The following TMEM131 variants were observed in gnomAD, a reference collection of about 807,000 sequenced individuals.
TMEM131 encodes 2610524E03Rik.
TMEM131 carries 66 observed loss-of-function variants against 211.6 expected under a neutral mutation model. The observed-to-expected ratio is 0.31, with a 90% CI of 0.26 to 0.38. The LOEUF (loss-of-function observed/expected upper bound fraction) is 0.38, where lower values mean the gene tolerates loss of function less well. Among genes scored for constraint, TMEM131 ranks in the 10% least tolerant of loss-of-function variants. The probability of loss-of-function intolerance (pLI) is 1.00; values close to 1 mark genes in which losing one functional copy is unlikely to be tolerated. For synonymous variants in TMEM131, 844 were observed against 841.3 expected (o/e 1.00, Z -0.06); for missense variants, 2,036 against 2,299.3 (o/e 0.89, Z 2.34).
At chr2:97,760,490 A>G (rs930204448) in intron 38 of TMEM131, 103 bp downstream of exon 38, 12 of 1,102,408 alleles carry the variant, frequency 1.1e-5, no homozygotes, top group Non-Finnish European at 1.6e-5. Context: ...CCTCCTTGTA[A>G]ATTAGGGGAA....
intron 39 of TMEM131, 30 bp downstream of exon 39, chr2:97,759,622 T>C (rs1678711103): frequency 6.5e-7 from 1 of 1,541,472 alleles, no homozygotes; most frequent in African/African-American, 1.4e-5. Context: ...CACAGGCTTA[T>C]TAGTTACACA....
At chr2:97,818,481 G>GGAAAAAAACAAA in intron 12 of TMEM131, 132 bp downstream of exon 12, 1 of 292,100 alleles carries the variant, frequency 3.4e-6, no homozygotes, top group Non-Finnish European at 6.4e-6. Flanking sequence ...GGCGGGGGGG[G>GGAAAAAAACAAA]ATCAACCTAA....
chr2:97,762,501 G>T, intron 35 of TMEM131: 1 of 271,938 alleles, frequency 3.7e-6, no homozygotes, highest in South Asian at 4.0e-5. Context: ...CATCCTCCAG[G>T]GGTGGACAGC....
In TMEM131 at chr2:97,758,820, C is replaced by A. The variant is rs899302087; in HGVS notation, c.5367+73G>T. ...TTGTTTATAACTATGTCAGTGCCAT[C>A]CATGTCACAGCAATGGCAGATGGCG... On this transcript the variant is annotated intron_variant, in intron 40 of 40. Coordinates refer to ENST00000186436, the MANE Select transcript of TMEM131 (RefSeq NM_015348.2). The A allele has an allele frequency of 2.6e-6, 4 of 1,529,956 alleles. No homozygotes were observed. In the African/African-American group the frequency reaches 5.5e-5, roughly 21 times the overall value. The allele number at this position is 1,529,956 out of a possible 1,614,324, so 94.8% of individuals were successfully genotyped here.
intron 11 of TMEM131, among the ~76,000 whole-genome samples, chr2:97,830,540 T>G (rs1012519517): frequency 2.0e-5 from 3 of 152,210 alleles, no homozygotes; most frequent in African/African-American, 7.2e-5. Flanking sequence ...AAAAAGCACT[T>G]TCAGCATTTA....
chr2:97,862,039 A>G (rs772673134), intron 4 of TMEM131, among the ~76,000 whole-genome samples: 4 of 152,084 alleles, frequency 2.6e-5, no homozygotes, highest in Non-Finnish European at 4.4e-5. Context: ...AGAGAGAGAG[A>G]CTGTTTGTTT....
At chr2:97,914,820 C>CAG (rs1267105633) in intron 2 of TMEM131, among the ~76,000 whole-genome samples, 2 of 152,158 alleles carry the variant, frequency 1.3e-5, no homozygotes, top group Non-Finnish European at 2.9e-5. Flanking sequence ...CTATTATAAA[C>CAG]AGAGCTGCTA....
intron 33 of TMEM131, 78 bp from the exon 34 acceptor site, chr2:97,766,680 T>C: frequency 6.5e-7 from 1 of 1,541,664 alleles, no homozygotes; most frequent in African/African-American, 1.4e-5. Flanking sequence ...ATTGTAATTC[T>C]TCTACAATAC....
At chr2:97,767,819 T>C (rs975406798) in intron 33 of TMEM131, among the ~76,000 whole-genome samples, 1 of 152,204 alleles carries the variant, frequency 6.6e-6, no homozygotes, top group African/African-American at 2.4e-5. Context: ...ACGCACCATG[T>C]TGCCTTCTGT....
intron 1 of TMEM131, among the ~76,000 whole-genome samples, chr2:97,984,141 C>G (rs1169389197): frequency 6.6e-6 from 1 of 152,134 alleles, no homozygotes; most frequent in Non-Finnish European, 1.5e-5. Context: ...AATTTCTATT[C>G]TATTCCATTA....
intron 1 of TMEM131, among the ~76,000 whole-genome samples, chr2:97,965,125 A>G: frequency 6.6e-6 from 1 of 152,162 alleles, no homozygotes; most frequent in East Asian, 1.9e-4. Flanking sequence ...ATAATCAAAC[A>G]TCTTGGTTCC....
At chr2:97,869,131 T>TA (rs1318224044) in intron 4 of TMEM131, among the ~76,000 whole-genome samples, 1 of 152,236 alleles carries the variant, frequency 6.6e-6, no homozygotes, top group African/African-American at 2.4e-5. Flanking sequence ...ACAATTCAAA[T>TA]AGACTTCAGG....
chr2:97,758,818 A>G (rs1055287815), intron 40 of TMEM131, 75 bp downstream of exon 40: 11 of 1,534,164 alleles, frequency 7.2e-6, no homozygotes, highest in Admixed American at 2.0e-5. Context: ...TGTCAGTGCC[A>G]TCCATGTCAC....
In TMEM131 at chr2:97,760,876, T is replaced by C; in HGVS notation, c.4928A>G (p.Lys1643Arg). 6.2e-7 allele frequency: 1 copy of C among 1,614,020 alleles called. No individual in the cohort carries two copies. Residue 1643 changes from lysine (K) to arginine (R), a missense_variant, in exon 37 of 41, where the codon AAG becomes AGG. By Grantham distance (26) the Lys-to-Arg change is conservative. Around this residue, in one of 3 missense-constraint regions of TMEM131, gnomAD observed 1,623 missense variants for 1,805.9 expected, o/e 0.90. Transcript: ENST00000186436. Reference protein sequence around the residue: ...KIKQPNGSKHKLTKAASLPGK... With the variant: ...KIKQPNGSKHRLTKAASLPGK... ...CGGGAGCGAGGCTGCCTTTGTCAAC[T>C]TGTGTTTGCTTCCATTTGGCTGTTT...
intron 1 of TMEM131, among the ~76,000 whole-genome samples, chr2:97,970,922 T>C (rs1294913632): frequency 1.3e-5 from 2 of 152,220 alleles, no homozygotes; most frequent in East Asian, 1.9e-4. Flanking sequence ...TCAACCATTC[T>C]TGGACAAATA....
At chr2:97,879,076 A>C (rs187913658) in intron 4 of TMEM131, among the ~76,000 whole-genome samples, 154 of 152,278 alleles carry the variant, frequency 1.0e-3, no homozygotes, top group Non-Finnish European at 1.7e-3. Context: ...AGCAGGATTA[A>C]CACCACCCTG....
At chr2:97,865,404 T>C (rs1674231791) in intron 4 of TMEM131, among the ~76,000 whole-genome samples, 1 of 152,244 alleles carries the variant, frequency 6.6e-6, no homozygotes. Flanking sequence ...TTAAGTACGA[T>C]GTCAGCCTTC....
intron 2 of TMEM131, among the ~76,000 whole-genome samples, chr2:97,925,655 T>G (rs1676952134): frequency 6.6e-6 from 1 of 152,200 alleles, no homozygotes; most frequent in South Asian, 2.1e-4. Flanking sequence ...GACACTGAAT[T>G]CCTGCTCTAG....
intron 4 of TMEM131, among the ~76,000 whole-genome samples, chr2:97,878,041 G>A (rs1487134797): frequency 1.3e-5 from 2 of 152,210 alleles, no homozygotes; most frequent in East Asian, 1.9e-4. Flanking sequence ...AGTGGGCAAA[G>A]GATAGGAACA....
Sources: gnomAD v4.1 joint callset for allele counts (sites outside exome capture counted in the v4.1 genomes callset) on GRCh38, gnomAD v4.1.1 for gene constraint, gnomAD v4.1.1 regional missense constraint, MANE v1.5 for transcripts, NCBI Gene and HGNC (gene_info 2026-07-23, HGNC 2026-07-21) for gene names.